The following BTBD9 variants were observed in gnomAD, a reference collection of about 807,000 sequenced individuals.
BTBD9 encodes BTB/POZ domain-containing protein 9.
In BTBD9, 49 loss-of-function variants were observed where a neutral mutation model predicts 64.3. The ratio of observed to expected loss-of-function variants is 0.76; its 90% CI spans 0.61 to 0.97. The LOEUF (loss-of-function observed/expected upper bound fraction) is 0.97, where lower values mean the gene tolerates loss of function less well. Among genes scored for constraint, BTBD9 ranks in the 50% least tolerant of loss-of-function variants. The probability of loss-of-function intolerance (pLI) is 0.00; values close to 1 mark genes in which losing one functional copy is unlikely to be tolerated. For missense variants in BTBD9, 598 were observed against 762.1 expected, an observed-to-expected ratio of 0.78 and a Z score of 2.53; for synonymous variants, 260 against 274.7, an observed-to-expected ratio of 0.95 and a Z score of 0.53.
intron 4 of BTBD9, among the ~76,000 whole-genome samples, chr6:38,582,121 T>C (rs1057092471): frequency 1.4e-4 from 21 of 152,068 alleles, no homozygotes; most frequent in Non-Finnish European, 7.4e-5. Context: ...AAGAACAATA[T>C]ATTGCAGCTG....
At chr6:38,482,086 G>C (rs1771177853) in intron 6 of BTBD9, 1 of 152,192 alleles carries the variant, frequency 6.6e-6, no homozygotes, top group Admixed American at 6.5e-5. Flanking sequence ...AAAGCATTTG[G>C]AGAAGTGCTA....
intron 9 of BTBD9, among the ~76,000 whole-genome samples, chr6:38,194,487 G>A (rs1211776232): frequency 2.0e-5 from 3 of 152,234 alleles, no homozygotes; most frequent in Non-Finnish European, 4.4e-5. Flanking sequence ...GGCGGTGGGA[G>A]TGGAAGAAAC....
intron 9 of BTBD9, among the ~76,000 whole-genome samples, chr6:38,224,627 C>T (rs1763326980): frequency 6.6e-6 from 1 of 152,040 alleles, no homozygotes; most frequent in African/African-American, 2.4e-5. Flanking sequence ...GTAAAAAATA[C>T]AAAAGAAAAA....
chr6:38,182,455 C>T (rs1042102166), intron 10 of BTBD9, among the ~76,000 whole-genome samples: 9 of 152,168 alleles, frequency 5.9e-5, no homozygotes, highest in Non-Finnish European at 8.8e-5. Context: ...TGTTCTTGTT[C>T]GCAGGCTTCT....
intron 9 of BTBD9, among the ~76,000 whole-genome samples, chr6:38,228,283 G>A (rs752989785): frequency 1.2e-4 from 17 of 142,364 alleles, no homozygotes; most frequent in Non-Finnish European, 2.1e-4. Context: ...ACTGTTTGAG[G>A]CTACAGTGGG....
rs914103062 is a variant in BTBD9 at position 38,318,141 on chromosome 6, C to T, written c.1264+26843G>A. ...AACTCCTGACCTTGGGTGATCCACCCGCCTCAGCCTCCTAAAGTGCTGGGA... is the reference window on the plus strand; with the variant it reads ...AACTCCTGACCTTGGGTGATCCACCTGCCTCAGCCTCCTAAAGTGCTGGGA... On this transcript the variant is annotated intron_variant, in intron 7 of 10. Transcript: ENST00000481247. Among the ~76,000 whole-genome samples, 12 of 152,062 alleles carry T rather than the reference C, an allele frequency of 7.9e-5. No individual in the cohort carries two copies. The East Asian group carries it at 1.7e-3, about 22-fold the overall frequency.
At chr6:38,456,284 G>A (rs537885226) in intron 6 of BTBD9, among the ~76,000 whole-genome samples, 5 of 152,250 alleles carry the variant, frequency 3.3e-5, no homozygotes, top group South Asian at 4.2e-4. Flanking sequence ...CACTGTGCCC[G>A]ACTTGTTTTT....
chr6:38,378,655 CT>C (rs1229027431), intron 6 of BTBD9, among the ~76,000 whole-genome samples: 1 of 151,696 alleles, frequency 6.6e-6, no homozygotes, highest in Admixed American at 6.6e-5. Flanking sequence ...AGGTAGACCG[CT>C]TGAGGTCAGG....
intron 6 of BTBD9, among the ~76,000 whole-genome samples, chr6:38,445,057 A>G (rs13220921): frequency 0.1 from 15,474 of 152,174 alleles, 831 homozygotes; most frequent in African/African-American, 0.13. Flanking sequence ...GAATTGCTAG[A>G]GTGAGACCCT....
chr6:38,425,509 T>C (rs1028270228), intron 6 of BTBD9, among the ~76,000 whole-genome samples: 14 of 151,846 alleles, frequency 9.2e-5, no homozygotes, highest in Non-Finnish European at 1.8e-4. Context: ...AGGAATTATG[T>C]GGGATTCATT....
chr6:38,607,700 T>C (rs1777476933), intron 1 of BTBD9, among the ~76,000 whole-genome samples: 3 of 151,950 alleles, frequency 2.0e-5, no homozygotes, highest in Non-Finnish European at 1.5e-5. Flanking sequence ...TAACTAACTC[T>C]GTGGTGGCTG....
chr6:38,288,500 G>A, intron 7 of BTBD9, 39 bp from the exon 8 acceptor site: 1 of 1,565,780 alleles, frequency 6.4e-7, no homozygotes, highest in Non-Finnish European at 8.8e-7. Flanking sequence ...CAGGATAAGA[G>A]AAGCCAAATA....
chr6:38,417,565 C>T (rs533856434), intron 6 of BTBD9, among the ~76,000 whole-genome samples: 12 of 152,122 alleles, frequency 7.9e-5, no homozygotes, highest in African/African-American at 1.9e-4. Flanking sequence ...CTTGAGTCTG[C>T]GACTTTGATA....
chr6:38,639,388 G>A (rs958071617), intron 1 of BTBD9, among the ~76,000 whole-genome samples: 10 of 152,156 alleles, frequency 6.6e-5, no homozygotes, highest in African/African-American at 2.4e-4. Flanking sequence ...GGGCAGGGGA[G>A]ATGAGGGCCC....
At chr6:38,266,606 G>A (rs868623892) in intron 8 of BTBD9, among the ~76,000 whole-genome samples, 1 of 2,408 alleles carries the variant, frequency 4.2e-4, no homozygotes, top group Non-Finnish European at 9.3e-4. Context: ...GGAAAGAAAG[G>A]AAAGAAAGAA....
intron 6 of BTBD9, among the ~76,000 whole-genome samples, chr6:38,449,729 A>G (rs893611417): frequency 6.6e-6 from 1 of 152,198 alleles, no homozygotes; most frequent in South Asian, 2.1e-4. Context: ...ACGTAGTGAG[A>G]CCTCATCTCT....
At chr6:38,469,322 C>CTTT (rs11432881) in intron 6 of BTBD9, among the ~76,000 whole-genome samples, 14 of 127,522 alleles carry the variant, frequency 1.1e-4, no homozygotes, top group Non-Finnish European at 1.8e-4. Flanking sequence ...TTTTTTTTTC[C>CTTT]TTTTTTTTTT....
intron 6 of BTBD9, among the ~76,000 whole-genome samples, chr6:38,567,819 T>A (rs771508553): frequency 3.9e-5 from 6 of 152,210 alleles, no homozygotes; most frequent in Non-Finnish European, 7.3e-5. Context: ...GTACTCACAG[T>A]CTTCTTTAAA....
chr6:38,290,917 T>C (rs969013595), intron 7 of BTBD9, among the ~76,000 whole-genome samples: 1 of 152,250 alleles, frequency 6.6e-6, no homozygotes, highest in African/African-American at 2.4e-5. Flanking sequence ...CTGGGTCATC[T>C]GTTTCAAGTA....
Sources: allele counts gnomAD v4.1 joint callset (sites outside exome capture counted in the v4.1 genomes callset), GRCh38; gene constraint gnomAD v4.1.1; transcripts MANE v1.5; gene names NCBI Gene and HGNC (gene_info 2026-07-23, HGNC 2026-07-21).